Variants in PPIL2 observed in about 807,000 individuals in gnomAD.
PPIL2 encodes the protein peptidylprolyl isomerase like 2.
Under a neutral mutation model 75.2 loss-of-function variants are expected in PPIL2, and 50 were observed. The ratio of observed to expected loss-of-function variants is 0.66; its 90% CI spans 0.53 to 0.84. The LOEUF (loss-of-function observed/expected upper bound fraction) is 0.84, where lower values mean the gene tolerates loss of function less well. Among genes scored for constraint, PPIL2 ranks in the 40% least tolerant of loss-of-function variants. PPIL2 has a pLI of 0.00. For missense variants in PPIL2, 590 were observed against 685.0 expected, an observed-to-expected ratio of 0.86 and a Z score of 1.55; for synonymous variants, 245 against 258.8, an observed-to-expected ratio of 0.95 and a Z score of 0.51.
intron 6 of PPIL2, among the ~76,000 whole-genome samples, chr22:21,677,804 G>T (rs558241300): frequency 6.6e-6 from 1 of 152,218 alleles, no homozygotes; most frequent in African/African-American, 2.4e-5. Flanking sequence ...GCATTCTGGT[G>T]GGGGAGAACA....
intron 5 of PPIL2, 127 bp downstream of exon 5, chr22:21,672,508 G>GGGAA: frequency 8.5e-6 from 8 of 936,872 alleles, no homozygotes; most frequent in Non-Finnish European, 1.0e-5. Context: ...CAGTGAGGAG[G>GGGAA]GACAGTCTTC....
intron 6 of PPIL2, among the ~76,000 whole-genome samples, chr22:21,675,750 C>T (rs2066814870): frequency 6.6e-6 from 1 of 152,214 alleles, no homozygotes; most frequent in South Asian, 2.1e-4. Flanking sequence ...GCAGAAGTTG[C>T]TCATGCTGGG....
intron 5 of PPIL2, 31 bp downstream of exon 5, chr22:21,672,412 C>G: frequency 6.4e-7 from 1 of 1,559,640 alleles, no homozygotes. Context: ...TTCAGTGATG[C>G]TAGTGAATGC....
chr22:21,669,622 C>A (rs138826715), intron 1 of PPIL2, among the ~76,000 whole-genome samples: 1 of 152,132 alleles, frequency 6.6e-6, no homozygotes, highest in African/African-American at 2.4e-5. Flanking sequence ...GCTTCAGCCT[C>A]CCGAGTAGCT....
intron 10 of PPIL2, among the ~76,000 whole-genome samples, 186 bp from the exon 11 acceptor site, chr22:21,686,297 G>A (rs2067356908): frequency 6.6e-6 from 1 of 152,214 alleles, no homozygotes; most frequent in Admixed American, 6.5e-5. Flanking sequence ...GGAGGCCAGG[G>A]GACCCTGGCT....
At chr22:21,692,235 A>C (rs1308014106) in intron 15 of PPIL2, among the ~76,000 whole-genome samples, 3 of 151,048 alleles carry the variant, frequency 2.0e-5, no homozygotes, top group Non-Finnish European at 2.9e-5. Flanking sequence ...GGCTCACTGC[A>C]AGCTCCGCCT....
rs5994796 is a variant in PPIL2 at position 21,692,347 on chromosome 22, G to T, written c.1140-1469G>T. 7.3e-5 allele frequency among the ~76,000 whole-genome samples: 11 copies of T among 151,274 alleles called. No homozygotes were observed. The East Asian group carries it at 8.1e-4, about 11-fold the overall frequency. On this transcript the variant is annotated intron_variant, in intron 15 of 19. Transcript: ENST00000398831. ...TTTTTTGTATTTTTAGTAGAGATGG[G>T]GTTTCACCGTGTTAGCGAGGATGGT... is the stretch of plus-strand genomic sequence containing the variant.
chr22:21,686,364 G>A (rs1421194273), intron 10 of PPIL2, 119 bp from the exon 11 acceptor site: 5 of 937,018 alleles, frequency 5.3e-6, no homozygotes, highest in Non-Finnish European at 6.7e-6. Context: ...TGGAGGAGAG[G>A]CACCAAGCAG....
intron 1 of PPIL2, 46 bp downstream of exon 1, chr22:21,666,177 G>C (rs1429223088): frequency 6.3e-7 from 1 of 1,577,514 alleles, no homozygotes; most frequent in Non-Finnish European, 8.7e-7. Flanking sequence ...CTGCCTCAGT[G>C]AACCGCCTGT....
At chr22:21,680,117 C>G (rs532487178) in intron 6 of PPIL2, among the ~76,000 whole-genome samples, 2 of 151,994 alleles carry the variant, frequency 1.3e-5, no homozygotes, top group African/African-American at 4.8e-5. Flanking sequence ...AAAAAGTCCC[C>G]ACAAATACAT....
chr22:21,677,174 G>A (rs1038031111), intron 6 of PPIL2, among the ~76,000 whole-genome samples: 2 of 151,710 alleles, frequency 1.3e-5, no homozygotes, highest in South Asian at 2.1e-4. Flanking sequence ...CTTCTCAGAC[G>A]GGGCGGCCAG....
At chr22:21,669,807 G>A (rs187899462) in intron 1 of PPIL2, 106 bp from the exon 2 acceptor site, 1 of 1,205,266 alleles carries the variant, frequency 8.3e-7, no homozygotes, top group African/African-American at 1.5e-5. Flanking sequence ...CCCCATAGTA[G>A]GTATTTAGTA....
chr22:21,689,398 C>T (rs936145236), intron 15 of PPIL2, among the ~76,000 whole-genome samples: 3 of 152,316 alleles, frequency 2.0e-5, no homozygotes, highest in East Asian at 1.9e-4. Flanking sequence ...GTCTTTCAAT[C>T]GTTTTCTTCA....
chr22:21,683,332 C>T (rs1202764832), intron 9 of PPIL2, 75 bp downstream of exon 9: 2 of 1,334,060 alleles, frequency 1.5e-6, no homozygotes, highest in Non-Finnish European at 2.1e-6. Context: ...TGGGTAAAGC[C>T]CCCGCTTTCC....
chr22:21,666,207 G>C, intron 1 of PPIL2, 76 bp downstream of exon 1: 1 of 1,495,044 alleles, frequency 6.7e-7, no homozygotes, highest in Non-Finnish European at 9.1e-7. Flanking sequence ...CGCGCCGCTC[G>C]CCTTCCCTCT....
At chr22:21,685,849 G>GT in intron 10 of PPIL2, 5 of 328,016 alleles carry the variant, frequency 1.5e-5, no homozygotes, top group Non-Finnish European at 2.4e-5. Context: ...TATGTAATGT[G>GT]TTTAGTGTAG....
intron 6 of PPIL2, among the ~76,000 whole-genome samples, chr22:21,677,893 C>T (rs1351002923): frequency 6.6e-6 from 1 of 152,192 alleles, no homozygotes; most frequent in Non-Finnish European, 1.5e-5. Context: ...GAGGGCCGCC[C>T]TGACCCGCTG....
chr22:21,692,361 A>G lies in PPIL2; in HGVS notation c.1140-1455A>G, dbSNP rs183675827. 2.4e-3 allele frequency among the ~76,000 whole-genome samples: 361 copies of G among 151,258 alleles called. 5 individuals carry two copies. Among genetic ancestry groups the G allele is most frequent in the Middle Eastern group, 0.01 (3 of 294 alleles). On this transcript the variant is annotated intron_variant, in intron 15 of 19. Transcript: ENST00000398831. Reference sequence around the variant, plus strand: ...AGTAGAGATGGGGTTTCACCGTGTTAGCGAGGATGGTCTCGATCTCCTGAC... The same window carrying G: ...AGTAGAGATGGGGTTTCACCGTGTTGGCGAGGATGGTCTCGATCTCCTGAC...
chr22:21,670,417 C>A, intron 2 of PPIL2, 149 bp from the exon 3 acceptor site: 1 of 1,471,566 alleles, frequency 6.8e-7, no homozygotes. Flanking sequence ...TTTGGTTTAT[C>A]TGTTAAAAGG....
Sources: gnomAD v4.1 joint callset for allele counts (sites outside exome capture counted in the v4.1 genomes callset) on GRCh38, gnomAD v4.1.1 for gene constraint, MANE v1.5 for transcripts, NCBI Gene and HGNC (gene_info 2026-07-23, HGNC 2026-07-21) for gene names.